The following STK10 variants were observed in gnomAD, a reference collection of about 807,000 sequenced individuals.
The protein encoded by STK10 is serine/threonine-protein kinase 10.
In STK10, 78 loss-of-function variants were observed where a neutral mutation model predicts 113.8. The ratio of observed to expected loss-of-function variants is 0.69; its 90% CI spans 0.57 to 0.83. STK10 has a LOEUF of 0.83. Among genes scored for constraint, STK10 ranks in the 40% least tolerant of loss-of-function variants. The pLI is 0.00. For synonymous variants in STK10, 465 were observed against 494.7 expected (o/e 0.94, Z 0.80); for missense variants, 1,109 against 1,280.1 (o/e 0.87, Z 2.04).
chr5:172,070,138 C>T (rs1310179537), intron 12 of STK10, among the ~76,000 whole-genome samples: 2 of 151,988 alleles, frequency 1.3e-5, no homozygotes, highest in East Asian at 1.9e-4. Flanking sequence ...ATCCCAGCTA[C>T]TTGGGGGGCT....
chr5:172,171,869 T>C (rs1354177877), intron 1 of STK10, among the ~76,000 whole-genome samples: 6 of 152,156 alleles, frequency 3.9e-5, no homozygotes. Context: ...TATACACTGG[T>C]CATTCTTACT....
intron 1 of STK10, among the ~76,000 whole-genome samples, chr5:172,164,211 T>TTAA (rs1212094950): frequency 3.5e-5 from 3 of 84,630 alleles, no homozygotes; most frequent in East Asian, 6.9e-4. Flanking sequence ...AAACTCCATC[T>TTAA]AAAAAAAAAA....
chr5:172,107,744 C>T, intron 5 of STK10, 36 bp downstream of exon 5: 1 of 1,607,734 alleles, frequency 6.2e-7, no homozygotes, highest in Non-Finnish European at 8.5e-7. Flanking sequence ...GTTTTTACAT[C>T]CAGTCCATTC....
chr5:172,055,472 G>T, intron 16 of STK10, 116 bp downstream of exon 16: 1 of 1,114,764 alleles, frequency 9.0e-7, no homozygotes, highest in Non-Finnish European at 1.2e-6. Flanking sequence ...TTACAGACGT[G>T]AGCCAGCCTG....
At chr5:172,165,415 G>C (rs187153304) in intron 1 of STK10, among the ~76,000 whole-genome samples, 3 of 152,326 alleles carry the variant, frequency 2.0e-5, no homozygotes, top group Admixed American at 2.0e-4. Flanking sequence ...GAACACAAGA[G>C]CAAAGAGCCT....
chr5:172,175,516 G>C (rs1020016576), intron 1 of STK10, among the ~76,000 whole-genome samples: 1 of 151,978 alleles, frequency 6.6e-6, no homozygotes, highest in East Asian at 1.9e-4. Flanking sequence ...TGCCAGGAGG[G>C]GCCCCAGGAG....
Position 172,055,687 on chromosome 5 carries a change from GATCTT to G in STK10, c.2422_2426del (p.Lys808ProfsTer4). On this transcript the variant is annotated frameshift_variant, in exon 16 of 19. Coordinates refer to ENST00000176763, the MANE Select transcript of STK10 (RefSeq NM_005990.4). LOFTEE classifies it high-confidence loss of function. Reference sequence around the variant, plus strand: ...TGCGCGTCTTGCCCTCACTCCTCTGGATCTTGGGCAGCCGCGCCTTTTCCTGTTGC... The same window carrying G: ...TGCGCGTCTTGCCCTCACTCCTCTGGGGGCAGCCGCGCCTTTTCCTGTTGC... The G allele has an allele frequency of 6.3e-7, 1 of 1,587,198 alleles. No individual in the cohort carries two copies. The highest frequency in any genetic ancestry group is 1.7e-4 in the Middle Eastern group (1 of 5,914).
chr5:172,113,759 C>T (rs1253524569), intron 4 of STK10, among the ~76,000 whole-genome samples: 4 of 151,864 alleles, frequency 2.6e-5, no homozygotes, highest in African/African-American at 2.4e-5. Context: ...ACTAAAAATA[C>T]GAAATTAGCC....
At chr5:172,126,788 T>C (rs1769630393) in intron 3 of STK10, among the ~76,000 whole-genome samples, 1 of 152,160 alleles carries the variant, frequency 6.6e-6, no homozygotes, top group Non-Finnish European at 1.5e-5. Flanking sequence ...AATGTGTGGG[T>C]ATCCCCACTT....
Position 172,105,569 on chromosome 5 carries a change from G to A in STK10, c.870+87C>T, listed in dbSNP as rs1241326459. On this transcript the variant is annotated intron_variant, in intron 7 of 18. Coordinates refer to ENST00000176763, the MANE Select transcript of STK10 (RefSeq NM_005990.4). The stretch of plus-strand genomic sequence containing the variant: ...GCTGTCCATGCTGTTCCCTGGGCGG[G>A]GTGAGAACATGCCCAGCGTCCAGGT... 10 of 1,387,702 alleles carry A rather than the reference G, an allele frequency of 7.2e-6. No individual in the cohort carries two copies. In the Admixed American group the frequency reaches 1.7e-4, roughly 24 times the overall value. The allele number at this position is 1,387,702 out of a possible 1,614,324, so 86.0% of individuals were successfully genotyped here.
In STK10 at chr5:172,083,082, C is replaced by T. The variant is rs550965424; in HGVS notation, c.1688G>A (p.Arg563His). The T allele has an allele frequency of 1.1e-5, 17 of 1,613,966 alleles. No homozygotes were observed. The highest frequency in any genetic ancestry group is 1.3e-5 in the African/African-American group (1 of 74,984). ...CAGCCGAAGCTCTCGGAGTTCCTGGCGCCTGAAAGGTTAAAGGATACAGAT... is the reference window on the plus strand; with the variant it reads ...CAGCCGAAGCTCTCGGAGTTCCTGGTGCCTGAAAGGTTAAAGGATACAGAT... ...KKDEEMRFLR[R>H]QELRELRLLQ... is the part of the protein sequence containing the mutation. The change falls in exon 11 of 19, where the codon CGC becomes CAC. Residue 563 changes from arginine (R) to histidine (H), a missense_variant and splice_region_variant. By Grantham distance (29) the Arg-to-His change is conservative. This residue lies in a region of STK10 where 885 missense variants were observed against 991.1 expected (regional missense o/e 0.89). Coordinates refer to ENST00000176763, the MANE Select transcript of STK10 (RefSeq NM_005990.4).
chr5:172,079,685 C>T (rs1581144539), intron 12 of STK10, among the ~76,000 whole-genome samples: 1 of 151,986 alleles, frequency 6.6e-6, no homozygotes, highest in Admixed American at 6.6e-5. Flanking sequence ...CTCAGCCTCC[C>T]GAGTAGCTGG....
At chr5:172,148,615 C>T (rs1473987495) in intron 2 of STK10, among the ~76,000 whole-genome samples, 1 of 152,218 alleles carries the variant, frequency 6.6e-6, no homozygotes, top group East Asian at 1.9e-4. Flanking sequence ...ACAGGTCCCC[C>T]GGCACAGGCC....
intron 3 of STK10, among the ~76,000 whole-genome samples, chr5:172,126,515 G>A (rs181588257): frequency 6.6e-6 from 1 of 152,128 alleles, no homozygotes; most frequent in Non-Finnish European, 1.5e-5. Flanking sequence ...AGTAAGCTGA[G>A]ATTGCGCCAC....
At chr5:172,084,331 C>T (rs1246135817) in intron 10 of STK10, among the ~76,000 whole-genome samples, 3 of 151,840 alleles carry the variant, frequency 2.0e-5, no homozygotes, top group Non-Finnish European at 2.9e-5. Flanking sequence ...ATCCGGGAGG[C>T]GGAGGTTGCA....
chr5:172,142,546 G>A (rs558325219), intron 2 of STK10, among the ~76,000 whole-genome samples: 1 of 152,280 alleles, frequency 6.6e-6, no homozygotes, highest in South Asian at 2.1e-4. Context: ...AGCTTACTCT[G>A]TGCCGGGCCG....
rs1242812800 is a variant in STK10, at chr5:172,162,994, ACCAGAACCTGC to A, written c.157-6217_157-6207del. The stretch of plus-strand genomic sequence containing the variant: ...AGCACCTCACTCAGATTCCATGGAG[ACCAGAACCTGC>A]CAGACAGAGGTTAGTAGGAACCACG... On this transcript the variant is annotated intron_variant, in intron 1 of 18. Coordinates refer to ENST00000176763, the MANE Select transcript of STK10 (RefSeq NM_005990.4). Among the ~76,000 whole-genome samples, 10 of 152,316 alleles carry A rather than the reference ACCAGAACCTGC, an allele frequency of 6.6e-5. No individual in the cohort carries two copies. The South Asian group carries it at 1.0e-3, about 16-fold the overall frequency.
chr5:172,066,837 G>A (rs553602573), intron 12 of STK10, among the ~76,000 whole-genome samples: 2 of 152,302 alleles, frequency 1.3e-5, no homozygotes, highest in South Asian at 4.1e-4. Context: ...CTGTGTGTGT[G>A]AACACAGAGA....
chr5:172,131,866 G>A (rs555640294), intron 2 of STK10, among the ~76,000 whole-genome samples: 1 of 152,188 alleles, frequency 6.6e-6, no homozygotes, highest in Non-Finnish European at 1.5e-5. Context: ...GGGACCAACA[G>A]TAATGGGAGG....
Sources: gnomAD v4.1 joint callset for allele counts (sites outside exome capture counted in the v4.1 genomes callset) on GRCh38, gnomAD v4.1.1 for gene constraint, gnomAD v4.1.1 regional missense constraint, MANE v1.5 for transcripts, NCBI Gene and HGNC (gene_info 2026-07-23, HGNC 2026-07-21) for gene names.